The following CFAP92 variants were observed in gnomAD, a reference collection of about 807,000 sequenced individuals.
CFAP92 encodes the protein cilia and flagella associated protein 92 (putative).
In CFAP92, 86 loss-of-function variants were observed where a neutral mutation model predicts 106.3. The ratio of observed to expected loss-of-function variants is 0.81; its 90% confidence interval spans 0.68 to 0.97. CFAP92 has a LOEUF of 0.97. Ranked by LOEUF, CFAP92 falls within the 50% of genes least tolerant of loss-of-function variation. The pLI is 0.00. For missense variants in CFAP92, 1,204 were observed against 1,283.8 expected (o/e 0.94, Z 0.95); for synonymous variants, 477 against 506.4 (o/e 0.94, Z 0.78).
chr3:128,965,462 G>A (rs1263565120), intron 9 of CFAP92, 49 bp downstream of exon 9: 1 of 398,880 alleles, frequency 2.5e-6, no homozygotes, highest in Non-Finnish European at 4.4e-6. Context: ...ACGGGCAGGT[G>A]GGTGGAAGGG....
chr3:128,951,475 A>G (rs1940797723), intron 9 of CFAP92, among the ~76,000 whole-genome samples: 1 of 152,160 alleles, frequency 6.6e-6, no homozygotes, highest in African/African-American at 2.4e-5. Flanking sequence ...AGTTCTACTA[A>G]GTACAGCTTT....
intron 9 of CFAP92, among the ~76,000 whole-genome samples, chr3:128,956,183 TTAAA>T (rs1941361189): frequency 6.9e-5 from 3 of 43,196 alleles, no homozygotes; most frequent in African/African-American, 3.1e-4. Context: ...AAAAAATAAA[TTAAA>T]AAAAAAAATA....
chr3:128,923,476 C>A (rs182260883), intron 12 of CFAP92, among the ~76,000 whole-genome samples: 3 of 152,258 alleles, frequency 2.0e-5, no homozygotes, highest in Non-Finnish European at 2.9e-5. Context: ...ATACAAGAGA[C>A]CCTAATAGGC....
chr3:128,958,478 T>A (rs1333176933), intron 9 of CFAP92, among the ~76,000 whole-genome samples: 1 of 152,182 alleles, frequency 6.6e-6, no homozygotes. Context: ...AACACCTAAT[T>A]ACTGAGGAAA....
At chr3:129,021,047 T>G in the CFAP92 span, among the ~76,000 whole-genome samples, 1 of 151,988 alleles carries the variant, frequency 6.6e-6, no homozygotes, top group South Asian at 2.1e-4. Flanking sequence ...TGGAAATTCG[T>G]GGGGAGGAGG....
intron 4 of CFAP92, among the ~76,000 whole-genome samples, chr3:128,983,726 C>A (rs1357903722): frequency 6.6e-6 from 1 of 152,240 alleles, no homozygotes; most frequent in African/African-American, 2.4e-5. Flanking sequence ...GAATGCCCAG[C>A]TGGCTGGAGG....
chr3:128,945,733 A>G lies in CFAP92; in HGVS notation c.1596T>C (p.Pro532=). 2.0e-6 allele frequency: 3 copies of G among 1,535,966 alleles called. No individual in the cohort carries two copies. The highest frequency in any genetic ancestry group is 1.7e-4 in the Middle Eastern group (1 of 5,988). ...CCTGGAAGTTGAGGTATGAATCCAG[A>G]GGGTCCTCCCCAAACAGCACGGGCT... ...SQKPVLFGED[P]LDSYLNFQAL... is the part of the protein sequence containing the mutation. Residue 532 remains proline, a synonymous_variant, in exon 10 of 16, where the codon CCT becomes CCC. Coordinates refer to ENST00000645291, the MANE Select transcript of CFAP92 (RefSeq NM_001394090.1).
intron 10 of CFAP92, among the ~76,000 whole-genome samples, chr3:128,943,826 C>T (rs955508483): frequency 4.0e-5 from 6 of 150,880 alleles, no homozygotes; most frequent in South Asian, 2.1e-4. Context: ...TGTGAGCCAC[C>T]GTGCCTGGCT....
upstream of CFAP92, among the ~76,000 whole-genome samples, chr3:128,998,333 A>G (rs570002609): frequency 3.3e-5 from 5 of 152,114 alleles, no homozygotes; most frequent in South Asian, 1.0e-3. Flanking sequence ...TCTTTTTTGG[A>G]TCATGCATTT....
chr3:128,989,079 A>G (rs1261757539), intron 2 of CFAP92, among the ~76,000 whole-genome samples, 161 bp from the exon 3 acceptor site: 2 of 152,150 alleles, frequency 1.3e-5, no homozygotes, highest in African/African-American at 2.4e-5. Context: ...TAGCCAGCAG[A>G]GTAGCACGAC....
chr3:128,920,719 G>A (rs1166208119), intron 12 of CFAP92, among the ~76,000 whole-genome samples: 3 of 152,116 alleles, frequency 2.0e-5, no homozygotes, highest in African/African-American at 4.8e-5. Context: ...AAGGGTGGAA[G>A]GCTGCCCTGC....
chr3:129,000,779 G>C lies in CFAP92; in HGVS notation n.117+1795C>G, dbSNP rs1482064067. ...CCAAGTCAGCACCGGCAGGCACAAA[G>C]GTGGCAGGGCCGGGAGACACCACTT... is the stretch of plus-strand genomic sequence containing the variant. On this transcript the variant is annotated intron_variant and non_coding_transcript_variant, in intron 1 of 4. Transcript: ENST00000510149. 2.0e-5 allele frequency among the ~76,000 whole-genome samples: 3 copies of C among 152,226 alleles called. No homozygotes were observed. In the East Asian group the frequency reaches 5.8e-4, roughly 29 times the overall value.
chr3:129,002,653 A>G (rs1330994528), exon 1 of CFAP92: 4 of 365,764 alleles, frequency 1.1e-5, no homozygotes, highest in Non-Finnish European at 1.9e-5. Flanking sequence ...GTAGTCTCAC[A>G]TATTCCCTTT....
intron 12 of CFAP92, among the ~76,000 whole-genome samples, chr3:128,929,271 G>A (rs1250361160): frequency 6.6e-6 from 1 of 152,176 alleles, no homozygotes; most frequent in Non-Finnish European, 1.5e-5. Context: ...ATAAGTGTTT[G>A]TATGAATGCA....
At chr3:128,938,353 G>C (rs1030467962) in intron 10 of CFAP92, among the ~76,000 whole-genome samples, 4 of 152,062 alleles carry the variant, frequency 2.6e-5, no homozygotes, top group Non-Finnish European at 4.4e-5. Context: ...CAGCAAATTA[G>C]GAACAGAATG....
chr3:129,025,127 G>C, the CFAP92 span, among the ~76,000 whole-genome samples: 14 of 152,178 alleles, frequency 9.2e-5, no homozygotes, highest in African/African-American at 3.4e-4. Flanking sequence ...TCAGGAACTG[G>C]ATCTGAGCCC....
chr3:128,949,998 ATAATTT>A (rs1211809278), intron 9 of CFAP92, among the ~76,000 whole-genome samples: 1 of 152,238 alleles, frequency 6.6e-6, no homozygotes, highest in East Asian at 1.9e-4. Context: ...TGATCTATAC[ATAATTT>A]TAAATTTATA....
chr3:128,933,063 A>G (rs1217846064), intron 11 of CFAP92, 66 bp from the exon 12 acceptor site: 1 of 1,409,042 alleles, frequency 7.1e-7, no homozygotes, highest in Non-Finnish European at 9.7e-7. Context: ...AATCACTCCC[A>G]TCCTACAGCA....
intron 1 of CFAP92, chr3:129,002,165 G>GCGCCGC (rs747038490): frequency 2.2e-5 from 33 of 1,472,038 alleles, no homozygotes; most frequent in Admixed American, 2.7e-5. Context: ...TGCGCCGTCC[G>GCGCCGC]CGCCGCCGCC....
Sources: gnomAD v4.1 joint callset for allele counts (sites outside exome capture counted in the v4.1 genomes callset) on GRCh38, gnomAD v4.1.1 for gene constraint, MANE v1.5 for transcripts, NCBI Gene and HGNC (gene_info 2026-07-23, HGNC 2026-07-21) for gene names.